The following KLHL3 variants were observed in gnomAD, a reference collection of about 807,000 sequenced individuals.
KLHL3 encodes kelch like family member 3, also known as kelch-like protein 3.
Under a neutral mutation model 70.5 loss-of-function variants are expected in KLHL3, and 19 were observed. The observed-to-expected ratio is 0.27, with a 90% confidence interval of 0.19 to 0.40. The LOEUF is 0.40. KLHL3 is among the 10% of genes least tolerant of loss of function. The pLI is 1.00. For missense variants in KLHL3, 512 were observed against 771.1 expected (o/e 0.66, Z 3.98); for synonymous variants, 258 against 290.3 (o/e 0.89, Z 1.13).
chr5:137,663,406 C>T (rs1179294591), intron 6 of KLHL3, among the ~76,000 whole-genome samples: 1 of 152,002 alleles, frequency 6.6e-6, no homozygotes, highest in Non-Finnish European at 1.5e-5. Flanking sequence ...TCTGCCAATG[C>T]TCAAGTCCCT....
chr5:137,681,440 G>T (rs1752022526), intron 5 of KLHL3, among the ~76,000 whole-genome samples: 1 of 152,084 alleles, frequency 6.6e-6, no homozygotes, highest in South Asian at 2.1e-4. Context: ...ACAAACAAAG[G>T]CAGGGAACAG....
intron 8 of KLHL3, among the ~76,000 whole-genome samples, chr5:137,640,840 T>C (rs1157905942): frequency 3.9e-5 from 6 of 152,238 alleles, no homozygotes; most frequent in Admixed American, 3.3e-4. Flanking sequence ...ATGAAATCAA[T>C]TTAATGGATT....
At chr5:137,704,454 A>G (rs889774879) in intron 3 of KLHL3, among the ~76,000 whole-genome samples, 1 of 152,018 alleles carries the variant, frequency 6.6e-6, no homozygotes, top group African/African-American at 2.4e-5. Flanking sequence ...AAGATACCAC[A>G]CCATCTCCCA....
chr5:137,686,938 C>A (rs1752182224), intron 5 of KLHL3, among the ~76,000 whole-genome samples: 1 of 84,982 alleles, frequency 1.2e-5, no homozygotes, highest in Admixed American at 1.2e-4. Context: ...AGGAGCCCCT[C>A]TGCCCGGCCA....
chr5:137,657,429 G>A (rs1333198332), intron 8 of KLHL3, among the ~76,000 whole-genome samples: 4 of 152,138 alleles, frequency 2.6e-5, no homozygotes, highest in Admixed American at 1.3e-4. Context: ...ATCGAGTGGA[G>A]CATCCCTCAT....
At chr5:137,698,824 A>G (rs1752504876) in intron 3 of KLHL3, among the ~76,000 whole-genome samples, 2 of 152,260 alleles carry the variant, frequency 1.3e-5, no homozygotes, top group South Asian at 4.1e-4. Context: ...AGCTTAGTAG[A>G]CAGTTATACA....
At chr5:137,675,909 A>G (rs1333140505) in intron 6 of KLHL3, among the ~76,000 whole-genome samples, 1 of 152,202 alleles carries the variant, frequency 6.6e-6, no homozygotes, top group Non-Finnish European at 1.5e-5. Flanking sequence ...AAATTGACCA[A>G]CTGTCTCAAC....
Position 137,621,460 on chromosome 5 carries a change from C to T in KLHL3, c.*638G>A, listed in dbSNP as rs1750294551. On this transcript the variant is annotated 3_prime_UTR_variant, in exon 15 of 15. Transcript: ENST00000309755. The stretch of plus-strand genomic sequence containing the variant: ...AACCCATTTGTCCCTTATTCTAGCA[C>T]ACAGAGGACACGGTGCAGCTTCGAG... 6.6e-6 allele frequency: 1 copy of T among 152,434 alleles called. No homozygotes were observed. The highest frequency in any genetic ancestry group is 2.1e-4 in the South Asian group (1 of 4,828). 9.4% of individuals were successfully genotyped at this position (152,434 alleles called of 1,614,324 possible). A position where few individuals can be genotyped will look rare whatever the true frequency, so the allele number is the denominator to read the frequency against.
Position 137,640,043 on chromosome 5 carries a change from C to T in KLHL3, c.904-66G>A, listed in dbSNP as rs1750873477. The T allele has an allele frequency of 2.3e-6, 3 of 1,317,750 alleles. No individual in the cohort carries two copies. The Admixed American group carries it at 5.0e-5, about 22-fold the overall frequency. The allele number at this position is 1,317,750 out of a possible 1,614,324, so 81.6% of individuals were successfully genotyped here. On this transcript the variant is annotated intron_variant, in intron 8 of 14. Transcript: ENST00000309755. ...ATCTGGATTTATGGTATCCCTGGTA[C>T]TTCCACATGGCTTATCGCCCAGGGT...
intron 2 of KLHL3, among the ~76,000 whole-genome samples, chr5:137,719,750 C>G (rs1209471187): frequency 2.0e-5 from 3 of 152,134 alleles, no homozygotes; most frequent in Non-Finnish European, 1.5e-5. Context: ...TAAGTTCAGA[C>G]CAGTGAAAGA....
At chr5:137,693,861 CTT>C (rs35666397) in intron 4 of KLHL3, among the ~76,000 whole-genome samples, 12 of 144,034 alleles carry the variant, frequency 8.3e-5, no homozygotes, top group Admixed American at 1.4e-4. Flanking sequence ...AAAAAGACTT[CTT>C]TTTTTTTTTT....
chr5:137,669,507 A>G (rs1305197322), intron 6 of KLHL3, among the ~76,000 whole-genome samples: 2 of 151,658 alleles, frequency 1.3e-5, no homozygotes, highest in Admixed American at 1.3e-4. Flanking sequence ...CGGTAACATC[A>G]CTTGGCCTGG....
intron 14 of KLHL3, among the ~76,000 whole-genome samples, chr5:137,623,772 C>A (rs559490915): frequency 3.3e-5 from 5 of 152,254 alleles, no homozygotes; most frequent in African/African-American, 1.2e-4. Context: ...TCTCACAGCA[C>A]CCTAAAAGGC....
chr5:137,735,586 T>C (rs1753248327), intron 1 of KLHL3, 47 bp downstream of exon 1: 2 of 1,450,900 alleles, frequency 1.4e-6, no homozygotes, highest in Admixed American at 1.7e-5. Flanking sequence ...CAAGCACACA[T>C]ACACTTACAT....
intron 8 of KLHL3, among the ~76,000 whole-genome samples, chr5:137,646,102 T>C (rs1027344308): frequency 1.2e-4 from 18 of 151,774 alleles, no homozygotes; most frequent in African/African-American, 4.4e-4. Flanking sequence ...AAACAGATAA[T>C]CTGATTCAAA....
chr5:137,648,342 C>A (rs542874989), intron 8 of KLHL3, among the ~76,000 whole-genome samples: 1 of 152,364 alleles, frequency 6.6e-6, no homozygotes, highest in African/African-American at 2.4e-5. Context: ...CAGGAGCAAG[C>A]CACCCACTTC....
chr5:137,712,874 A>G (rs1752820909), intron 2 of KLHL3, among the ~76,000 whole-genome samples: 1 of 152,218 alleles, frequency 6.6e-6, no homozygotes, highest in African/African-American at 2.4e-5. Flanking sequence ...CAGATAATGC[A>G]TAGTGCTAAT....
intron 2 of KLHL3, among the ~76,000 whole-genome samples, chr5:137,711,551 A>T (rs1394927253): frequency 2.0e-5 from 3 of 152,234 alleles, no homozygotes; most frequent in African/African-American, 7.2e-5. Context: ...AGACCTTTGG[A>T]CAGCAAGAGG....
chr5:137,625,988 G>T, intron 13 of KLHL3, 92 bp from the exon 14 acceptor site: 1 of 1,486,918 alleles, frequency 6.7e-7, no homozygotes, highest in Non-Finnish European at 9.2e-7. Flanking sequence ...AGCCTGGGAG[G>T]CTCTTTTCCT....
Sources: gnomAD v4.1 joint callset for allele counts (sites outside exome capture counted in the v4.1 genomes callset) on GRCh38, gnomAD v4.1.1 for gene constraint, MANE v1.5 for transcripts, NCBI Gene and HGNC (gene_info 2026-07-23, HGNC 2026-07-21) for gene names.